The following KHDRBS2 variants were observed in gnomAD, a reference collection of about 807,000 sequenced individuals.
KHDRBS2 encodes the protein KH domain-containing, RNA-binding, signal transduction-associated protein 2.
A neutral mutation model predicts 44.3 loss-of-function variants in KHDRBS2; 26 were observed. The ratio of observed to expected loss-of-function variants is 0.59; its 90% CI spans 0.43 to 0.81. The LOEUF (loss-of-function observed/expected upper bound fraction) is 0.81. Among genes scored for constraint, KHDRBS2 ranks in the 40% least tolerant of loss-of-function variants. The pLI is 0.00. For synonymous variants in KHDRBS2, 194 were observed against 151.1 expected (o/e 1.28, Z -2.08); for missense variants, 476 against 433.1 (o/e 1.10, Z -0.88).
At chr6:61,824,164 C>CT in intron 6 of KHDRBS2, among the ~76,000 whole-genome samples, 1 of 152,170 alleles carries the variant, frequency 6.6e-6, no homozygotes, top group Admixed American at 6.5e-5. Flanking sequence ...TTTTATTCAT[C>CT]TTGTCTAGTC....
At chr6:61,940,503 C>A (rs573387777) in intron 4 of KHDRBS2, among the ~76,000 whole-genome samples, 2 of 152,276 alleles carry the variant, frequency 1.3e-5, no homozygotes, top group South Asian at 4.1e-4. Flanking sequence ...CTGGGTCCCA[C>A]ATGCTCCATG....
Position 61,699,880 on chromosome 6 carries a change from A to G in KHDRBS2, c.894-2627T>C, listed in dbSNP as rs148810023. ...TTACATTCAAACTGTCTAAAAAATT[A>G]TGGTAATGTGTTCTCTTCATCCTTC... On this transcript the variant is annotated intron_variant, in intron 7 of 8. Transcript: ENST00000281156. 1.1e-4 allele frequency among the ~76,000 whole-genome samples: 17 copies of G among 152,062 alleles called. No individual in the cohort carries two copies. The East Asian group carries it at 3.3e-3, about 30-fold the overall frequency.
At chr6:61,673,128 C>A in the KHDRBS2 span, among the ~76,000 whole-genome samples, 1 of 151,714 alleles carries the variant, frequency 6.6e-6, no homozygotes, top group Admixed American at 6.6e-5. Context: ...GCTTGTTTTT[C>A]TCAGGTTTGT....
intron 4 of KHDRBS2, among the ~76,000 whole-genome samples, chr6:61,936,793 C>T (rs1811110857): frequency 6.6e-6 from 1 of 151,900 alleles, no homozygotes; most frequent in South Asian, 2.1e-4. Flanking sequence ...ATCTTCTTCA[C>T]TAAGTTTTGC....
intron 1 of KHDRBS2, among the ~76,000 whole-genome samples, chr6:62,208,690 T>C (rs1400765526): frequency 6.6e-6 from 1 of 152,198 alleles, no homozygotes; most frequent in Non-Finnish European, 1.5e-5. Context: ...CAGTTTACAT[T>C]CCTACCAAGA....
chr6:61,720,018 A>C (rs1164480565), intron 7 of KHDRBS2, among the ~76,000 whole-genome samples: 2 of 152,012 alleles, frequency 1.3e-5, no homozygotes, highest in African/African-American at 4.8e-5. Flanking sequence ...TATGAGTGAG[A>C]ATATGCGGTG....
chr6:61,887,134 T>C (rs1801073058), intron 6 of KHDRBS2, among the ~76,000 whole-genome samples: 1 of 152,110 alleles, frequency 6.6e-6, no homozygotes, highest in African/African-American at 2.4e-5. Flanking sequence ...GAAAAGTGGA[T>C]GCAATTCTCA....
At chr6:61,792,424 C>A (rs1465230023) in intron 6 of KHDRBS2, among the ~76,000 whole-genome samples, 1 of 151,564 alleles carries the variant, frequency 6.6e-6, no homozygotes, top group East Asian at 1.9e-4. Context: ...CACTTGATAT[C>A]ACTTTTCTTT....
intron 4 of KHDRBS2, among the ~76,000 whole-genome samples, chr6:61,916,686 A>C (rs961789797): frequency 6.6e-6 from 1 of 151,940 alleles, no homozygotes; most frequent in Non-Finnish European, 1.5e-5. Flanking sequence ...ACAAATCAAC[A>C]AGAAGAAAAC....
chr6:62,237,267 G>A (rs1015273764), intron 1 of KHDRBS2, among the ~76,000 whole-genome samples: 1 of 152,110 alleles, frequency 6.6e-6, no homozygotes, highest in Non-Finnish European at 1.5e-5. Context: ...TGGCTGTGTG[G>A]TGGACTTACT....
chr6:61,599,068 G>C, the KHDRBS2 span, among the ~76,000 whole-genome samples: 1 of 151,866 alleles, frequency 6.6e-6, no homozygotes, highest in African/African-American at 2.4e-5. Context: ...TGAGTAGCTG[G>C]CATTACAGGT....
intron 7 of KHDRBS2, among the ~76,000 whole-genome samples, chr6:61,703,641 A>C (rs1204139): frequency 0.84 from 126,768 of 151,768 alleles, 53,393 homozygotes; most frequent in Non-Finnish European, 0.9. Context: ...CTATCAAATT[A>C]TTCTATTAAG....
chr6:61,605,528 C>T, the KHDRBS2 span, among the ~76,000 whole-genome samples: 2 of 152,188 alleles, frequency 1.3e-5, no homozygotes, highest in African/African-American at 4.8e-5. Flanking sequence ...ATATTTTTCT[C>T]CTTGTCTTAT....
chr6:61,575,206 A>G, the KHDRBS2 span, among the ~76,000 whole-genome samples: 11 of 152,342 alleles, frequency 7.2e-5, no homozygotes, highest in Admixed American at 1.3e-4. Context: ...ACATTTGCAA[A>G]CTATGCATCT....
the KHDRBS2 span, among the ~76,000 whole-genome samples, chr6:61,636,940 A>G: frequency 1.3e-5 from 2 of 152,140 alleles, no homozygotes; most frequent in African/African-American, 4.8e-5. Flanking sequence ...CCTATGTGAC[A>G]TAGAATATCT....
At chr6:61,640,570 C>G in the KHDRBS2 span, among the ~76,000 whole-genome samples, 2 of 152,074 alleles carry the variant, frequency 1.3e-5, no homozygotes, top group African/African-American at 4.8e-5. Context: ...TCACTGTTCT[C>G]TAAGGACCCA....
chr6:61,630,480 G>T, the KHDRBS2 span: 5 of 152,172 alleles, frequency 3.3e-5, no homozygotes, highest in African/African-American at 1.2e-4. Context: ...TGGTGAACAG[G>T]ATTGTATTTG....
At chr6:61,920,537 T>A (rs1421645603) in intron 4 of KHDRBS2, among the ~76,000 whole-genome samples, 1 of 151,966 alleles carries the variant, frequency 6.6e-6, no homozygotes, top group African/African-American at 2.4e-5. Flanking sequence ...AAAAAATAAA[T>A]CATGAAGTGC....
intron 2 of KHDRBS2, among the ~76,000 whole-genome samples, chr6:62,110,907 A>G (rs1229432989): frequency 2.6e-5 from 4 of 152,106 alleles, no homozygotes; most frequent in African/African-American, 7.2e-5. Flanking sequence ...AAAAAAAAGT[A>G]AAGTGGTAAT....
Sources: gnomAD v4.1 joint callset for allele counts (sites outside exome capture counted in the v4.1 genomes callset) on GRCh38, gnomAD v4.1.1 for gene constraint, MANE v1.5 for transcripts, NCBI Gene and HGNC (gene_info 2026-07-23, HGNC 2026-07-21) for gene names.